Variants in AATF observed in about 807,000 individuals in gnomAD.
AATF encodes apoptosis antagonizing transcription factor.
Under a neutral mutation model 63.7 loss-of-function variants are expected in AATF, and 48 were observed. The ratio of observed to expected loss-of-function variants is 0.75; its 90% CI spans 0.60 to 0.96. AATF has a LOEUF of 0.96. Ranked by LOEUF, AATF falls within the 40% of genes least tolerant of loss-of-function variation. The pLI, the probability that AATF is intolerant of heterozygous loss-of-function variation, is 0.00. For missense variants in AATF, 639 were observed against 685.7 expected, an observed-to-expected ratio of 0.93 and a Z score of 0.76; for synonymous variants, 258 against 247.7, an observed-to-expected ratio of 1.04 and a Z score of -0.39.
rs746677629 is a variant in AATF, at chr17:36,953,158, G to A, written c.556G>A (p.Ala186Thr). 21 of 1,614,038 alleles carry A rather than the reference G, an allele frequency of 1.3e-5. No individual in the cohort carries two copies. The highest frequency in any genetic ancestry group is 1.2e-4 in the South Asian group (11 of 91,086). The change falls in exon 3 of 12, where the codon GCG becomes ACG. Residue 186 changes from alanine (A) to threonine (T), a missense_variant. Physicochemically the swap from Ala to Thr is moderately conservative, Grantham distance 58. Transcript: ENST00000619387. Reference sequence around the variant, plus strand: ...GAGTGGCATGGAAGAAGGGGATGACGCGGAAGACTCCCAAGGCGAGAGTGA... The same window carrying A: ...GAGTGGCATGGAAGAAGGGGATGACACGGAAGACTCCCAAGGCGAGAGTGA... Reference protein sequence around the residue: ...EESGMEEGDDAEDSQGESEED... With the variant: ...EESGMEEGDDTEDSQGESEED...
intron 4 of AATF, among the ~76,000 whole-genome samples, chr17:36,970,142 A>C (rs185618154): frequency 3.9e-4 from 59 of 152,352 alleles, no homozygotes; most frequent in South Asian, 1.2e-3. Context: ...AGCTAAGAAT[A>C]GAATGGCTGA....
At chr17:37,042,022 T>C in intron 11 of AATF, among the ~76,000 whole-genome samples, 1 of 152,168 alleles carries the variant, frequency 6.6e-6, no homozygotes, top group East Asian at 1.9e-4. Context: ...CATTTTCTTT[T>C]TGAGTTTTGA....
At position 37,000,842 on chromosome 17, in the gene AATF, A is replaced by G. The variant is rs190693653; in HGVS notation, c.1398+9985A>G. On this transcript the variant is annotated intron_variant, in intron 8 of 11. Coordinates refer to ENST00000619387, the MANE Select transcript of AATF (RefSeq NM_012138.4). Reference sequence around the variant, plus strand: ...GTGATTTTCCAGGTTGCATGTAAAGAAAGTGTTTCAAGAAGGAGGAGATCA... The same window carrying G: ...GTGATTTTCCAGGTTGCATGTAAAGGAAGTGTTTCAAGAAGGAGGAGATCA... Among the ~76,000 whole-genome samples the G allele has an allele frequency of 2.1e-3, 320 of 152,300 alleles. 1 individual carries two copies. The highest frequency in any genetic ancestry group is 7.3e-3 in the African/African-American group (304 of 41,560).
At chr17:36,999,179 T>C (rs1315177516) in intron 8 of AATF, 1 of 152,202 alleles carries the variant, frequency 6.6e-6, no homozygotes. Context: ...AATCTTCAGA[T>C]TGGTGATAGG....
intron 4 of AATF, among the ~76,000 whole-genome samples, chr17:36,974,072 A>C (rs574621700): frequency 6.6e-6 from 1 of 152,108 alleles, no homozygotes; most frequent in Non-Finnish European, 1.5e-5. Context: ...CCATCTCAAA[A>C]AAAAAAAAAG....
chr17:37,046,724 T>TCCCCC (rs1483912218), intron 11 of AATF, among the ~76,000 whole-genome samples: 2 of 124,896 alleles, frequency 1.6e-5, no homozygotes, highest in African/African-American at 6.7e-5. Context: ...CATCCTGTGC[T>TCCCCC]CCCCCAACAC....
intron 11 of AATF, among the ~76,000 whole-genome samples, chr17:37,042,105 C>G (rs1275151327): frequency 4.0e-5 from 6 of 151,774 alleles, no homozygotes; most frequent in Admixed American, 2.6e-4. Flanking sequence ...ATAACATTTC[C>G]TGGTTTTTGT....
intron 4 of AATF, among the ~76,000 whole-genome samples, chr17:36,956,172 AATTAATCTGACAGCATCT>A (rs1464322723): frequency 6.6e-6 from 1 of 152,110 alleles, no homozygotes; most frequent in East Asian, 1.9e-4. Context: ...GATGAACCTC[AATTAATCTGACAGCATCT>A]ATTAATCTGA....
At chr17:37,018,941 C>A (rs2071448106) in intron 8 of AATF, 64 bp from the exon 9 acceptor site, 2 of 1,359,818 alleles carry the variant, frequency 1.5e-6, no homozygotes, top group Non-Finnish European at 2.1e-6. Flanking sequence ...TCCTTCTCTG[C>A]CCTTTTAAAG....
intron 10 of AATF, among the ~76,000 whole-genome samples, chr17:37,023,924 C>T (rs1663829233): frequency 6.6e-6 from 1 of 152,072 alleles, no homozygotes; most frequent in Non-Finnish European, 1.5e-5. Flanking sequence ...ATATAACCTA[C>T]ACACATCCTC....
At chr17:36,960,924 CG>C (rs1314339334) in intron 4 of AATF, among the ~76,000 whole-genome samples, 46 of 152,190 alleles carry the variant, frequency 3.0e-4, no homozygotes, top group Non-Finnish European at 6.2e-4. Flanking sequence ...TTTCAAAGAT[CG>C]GAAAATACAT....
At chr17:37,050,377 A>T (rs2071737876) in intron 11 of AATF, among the ~76,000 whole-genome samples, 1 of 152,236 alleles carries the variant, frequency 6.6e-6, no homozygotes, top group Non-Finnish European at 1.5e-5. Context: ...AATATTTTTA[A>T]TTAATTGATT....
intron 8 of AATF, among the ~76,000 whole-genome samples, chr17:37,018,069 TTC>T (rs2071441029): frequency 1.3e-5 from 2 of 152,258 alleles, no homozygotes; most frequent in Non-Finnish European, 2.9e-5. Flanking sequence ...TCTCTTAAAT[TTC>T]TCTCAGAAGA....
chr17:36,994,495 G>A (rs2071239262), intron 8 of AATF, among the ~76,000 whole-genome samples: 1 of 152,180 alleles, frequency 6.6e-6, no homozygotes, highest in Admixed American at 6.5e-5. Context: ...CAATGGTGAA[G>A]GTTTTATGAG....
At chr17:37,043,669 T>C (rs186078274) in intron 11 of AATF, among the ~76,000 whole-genome samples, 1 of 152,332 alleles carries the variant, frequency 6.6e-6, no homozygotes, top group Admixed American at 6.5e-5. Flanking sequence ...AATTGTAGTA[T>C]TTGCAAAACA....
chr17:36,990,602 T>C lies in AATF; in HGVS notation c.1315-172T>C, dbSNP rs180865274. On this transcript the variant is annotated intron_variant, in intron 7 of 11. Coordinates refer to ENST00000619387, the MANE Select transcript of AATF (RefSeq NM_012138.4). ...TTATGGGTTTTTTTGGTCAACTGCC[T>C]GTTAATGTTTTTGCCTGTTTTCATA... Among the ~76,000 whole-genome samples the C allele has an allele frequency of 1.5e-3, 234 of 152,354 alleles. 1 individual carries two copies. Among genetic ancestry groups the C allele is most frequent in the African/African-American group, 5.3e-3 (222 of 41,590 alleles).
At chr17:36,962,565 A>ATTT (rs796321224) in intron 4 of AATF, among the ~76,000 whole-genome samples, 11 of 145,584 alleles carry the variant, frequency 7.6e-5, no homozygotes, top group African/African-American at 2.7e-4. Flanking sequence ...ATCAGAAACA[A>ATTT]TTTTTTTTTT....
At chr17:36,962,383 A>G (rs1391034165) in intron 4 of AATF, among the ~76,000 whole-genome samples, 1 of 152,134 alleles carries the variant, frequency 6.6e-6, no homozygotes, top group Non-Finnish European at 1.5e-5. Flanking sequence ...TGAGGAGGGG[A>G]GTGTCAGATT....
intron 4 of AATF, among the ~76,000 whole-genome samples, chr17:36,960,017 T>C (rs555540958): frequency 1.3e-5 from 2 of 149,912 alleles, no homozygotes; most frequent in Non-Finnish European, 2.9e-5. Context: ...TAGACTAAAA[T>C]TTTTTTCCCC....
Sources: gnomAD v4.1 joint callset for allele counts (sites outside exome capture counted in the v4.1 genomes callset) on GRCh38, gnomAD v4.1.1 for gene constraint, MANE v1.5 for transcripts, NCBI Gene and HGNC (gene_info 2026-07-23, HGNC 2026-07-21) for gene names.